Variants in VTI1A observed in about 807,000 individuals in gnomAD.
VTI1A encodes the protein vesicle transport through interaction with t-SNAREs homolog 1A.
Under a neutral mutation model 34.9 loss-of-function variants are expected in VTI1A, and 22 were observed. The ratio of observed to expected loss-of-function variants is 0.63; its 90% CI spans 0.45 to 0.90. The LOEUF (loss-of-function observed/expected upper bound fraction) is 0.90, where lower values mean the gene tolerates loss of function less well. Ranked by LOEUF, VTI1A falls within the 40% of genes least tolerant of loss-of-function variation. The pLI is 0.00. For synonymous variants in VTI1A, 87 were observed against 97.3 expected (o/e 0.89, Z 0.62); for missense variants, 268 against 275.6 (o/e 0.97, Z 0.20).
intron 7 of VTI1A, among the ~76,000 whole-genome samples, chr10:112,787,698 C>CTTTTTT (rs34862909): frequency 9.0e-4 from 93 of 103,276 alleles, no homozygotes; most frequent in Middle Eastern, 5.6e-3. Flanking sequence ...TTTTTCTTTT[C>CTTTTTT]TTTTTTTTTT....
rs751870581 is a variant in VTI1A at position 112,495,196 on chromosome 10, C to CTTT, written c.264+30561_264+30563dup. Among the ~76,000 whole-genome samples the CTTT allele has an allele frequency of 5.2e-3, 411 of 78,924 alleles. 4 individuals carry two copies. Among genetic ancestry groups the CTTT allele is most frequent in the African/African-American group, 0.018 (361 of 20,122 alleles). 51.8% of individuals were successfully genotyped at this position (78,924 alleles called of 152,430 possible). A position where few individuals can be genotyped will look rare whatever the true frequency, so the allele number is the denominator to read the frequency against. On this transcript the variant is annotated intron_variant, in intron 3 of 7. Coordinates refer to ENST00000393077, the MANE Select transcript of VTI1A (RefSeq NM_145206.4). ...TTGATGGGAAGAATTCAGTAATGGT[C>CTTT]TTTTTTTTTTTTTTTTTTTTTTTTA... is the stretch of plus-strand genomic sequence containing the variant.
rs67154330 is a variant in VTI1A at position 112,811,712 on chromosome 10, A to AAAAAAAAAAAAAAAGAT, written c.561-3578_561-3577insAAAAAAAAAAAAAAGAT. On this transcript the variant is annotated intron_variant, in intron 7 of 7. Transcript: ENST00000393077. ...AAAAAAAAAAAAAAAAAAAAAAAAA[A>AAAAAAAAAAAAAAAGAT]GAGTGCAGTCCATGCCTGGAAGTAG... Among the ~76,000 whole-genome samples, 53 of 84,046 alleles carry AAAAAAAAAAAAAAAGAT rather than the reference A, an allele frequency of 6.3e-4. 18 individuals carry two copies. Among genetic ancestry groups the AAAAAAAAAAAAAAAGAT allele is most frequent in the African/African-American group, 1.6e-3 (33 of 21,078 alleles). 55.1% of individuals were successfully genotyped at this position (84,046 alleles called of 152,430 possible).
At position 112,598,455 on chromosome 10, in the gene VTI1A, C is replaced by T. The variant is rs116009927; in HGVS notation, c.427+60125C>T. Among the ~76,000 whole-genome samples the T allele has an allele frequency of 4.9e-3, 740 of 152,266 alleles. 8 individuals carry two copies. Among genetic ancestry groups the T allele is most frequent in the African/African-American group, 0.017 (697 of 41,544 alleles). On this transcript the variant is annotated intron_variant, in intron 5 of 7. Transcript: ENST00000393077. ...TTTGTGATGTGCATTTAGAACACTACGTAAAAATAAACTGCATTGTGTTAT... is the reference window on the plus strand; with the variant it reads ...TTTGTGATGTGCATTTAGAACACTATGTAAAAATAAACTGCATTGTGTTAT...
rs1851224148 is a variant in VTI1A at position 112,548,567 on chromosome 10, A to G, written c.427+10237A>G. 7.7e-6 allele frequency: 6 copies of G among 781,160 alleles called. No individual in the cohort carries two copies. In the South Asian group the frequency reaches 9.0e-5, roughly 12 times the overall value. 48.4% of individuals were successfully genotyped at this position (781,160 alleles called of 1,614,324 possible). A position where few individuals can be genotyped will look rare whatever the true frequency, so the allele number is the denominator to read the frequency against. On this transcript the variant is annotated intron_variant, in intron 5 of 7. Coordinates refer to ENST00000393077, the MANE Select transcript of VTI1A (RefSeq NM_145206.4). ...CAAACAGTTCTGAGACCATTCTTCCACCACTGATTAAGACCAGGGTGGCAG... is the reference window on the plus strand; with the variant it reads ...CAAACAGTTCTGAGACCATTCTTCCGCCACTGATTAAGACCAGGGTGGCAG...
intron 7 of VTI1A, among the ~76,000 whole-genome samples, chr10:112,715,606 C>T (rs953561062): frequency 6.6e-6 from 1 of 152,130 alleles, no homozygotes; most frequent in African/African-American, 2.4e-5. Flanking sequence ...CTTTATCTCA[C>T]GCTTTTCATC....
chr10:112,620,562 G>A (rs112655411), intron 5 of VTI1A, among the ~76,000 whole-genome samples: 7 of 152,072 alleles, frequency 4.6e-5, no homozygotes, highest in Admixed American at 1.3e-4. Context: ...AGGCCGAGGC[G>A]GGTGGATGAC....
chr10:112,596,918 C>G (rs1163181357), intron 5 of VTI1A, among the ~76,000 whole-genome samples: 1 of 151,970 alleles, frequency 6.6e-6, no homozygotes, highest in Non-Finnish European at 1.5e-5. Context: ...TTCTTCTGTT[C>G]TTGAAGTATT....
intron 1 of VTI1A, among the ~76,000 whole-genome samples, chr10:112,459,672 T>C (rs897815032): frequency 1.3e-5 from 2 of 152,184 alleles, no homozygotes; most frequent in Admixed American, 6.5e-5. Flanking sequence ...TCAATACATC[T>C]GGTTTGCACA....
At chr10:112,517,049 C>T (rs1849807094) in intron 3 of VTI1A, among the ~76,000 whole-genome samples, 1 of 152,010 alleles carries the variant, frequency 6.6e-6, no homozygotes, top group Non-Finnish European at 1.5e-5. Context: ...TGAGATCACT[C>T]AGATGAGTGA....
intron 7 of VTI1A, among the ~76,000 whole-genome samples, chr10:112,741,328 G>A (rs533606661): frequency 1.3e-5 from 2 of 152,210 alleles, no homozygotes; most frequent in Admixed American, 6.5e-5. Flanking sequence ...GGTGGCACGC[G>A]CCTGTAATCC....
At chr10:112,698,167 T>C (rs1177516140) in intron 7 of VTI1A, among the ~76,000 whole-genome samples, 2 of 152,188 alleles carry the variant, frequency 1.3e-5, no homozygotes, top group East Asian at 3.8e-4. Flanking sequence ...GGAATCCCTG[T>C]TCTTAGTGCA....
At chr10:112,578,562 A>G (rs1456478303) in intron 5 of VTI1A, among the ~76,000 whole-genome samples, 1 of 152,244 alleles carries the variant, frequency 6.6e-6, no homozygotes, top group Non-Finnish European at 1.5e-5. Context: ...ATGTAGACAT[A>G]AATCATTCTT....
At chr10:112,737,550 A>G in intron 7 of VTI1A, 1 of 1,050,464 alleles carries the variant, frequency 9.5e-7, no homozygotes, top group Admixed American at 5.5e-5. Context: ...GTGAGCAAGG[A>G]GCCTGCATTC....
chr10:112,708,858 T>C (rs1374795793), intron 7 of VTI1A, among the ~76,000 whole-genome samples: 1 of 152,242 alleles, frequency 6.6e-6, no homozygotes, highest in Non-Finnish European at 1.5e-5. Context: ...TTCTTGACAG[T>C]AAATAGTCTC....
chr10:112,840,617 G>A, the VTI1A span, among the ~76,000 whole-genome samples: 13 of 152,282 alleles, frequency 8.5e-5, no homozygotes, highest in African/African-American at 2.9e-4. Flanking sequence ...GAGACCCCCT[G>A]GGCAGCTGCC....
At chr10:112,765,945 T>C (rs999681032) in intron 7 of VTI1A, among the ~76,000 whole-genome samples, 7 of 151,932 alleles carry the variant, frequency 4.6e-5, no homozygotes, top group African/African-American at 1.7e-4. Flanking sequence ...CCAAGGCAGG[T>C]TGATGAAAAA....
chr10:112,737,457 T>C, intron 7 of VTI1A: 12 of 1,044,172 alleles, frequency 1.1e-5, no homozygotes, highest in South Asian at 4.6e-5. Context: ...AACAAAATAA[T>C]AAGGCTGAAT....
intron 5 of VTI1A, among the ~76,000 whole-genome samples, chr10:112,636,067 G>A (rs889111935): frequency 6.6e-6 from 1 of 152,198 alleles, no homozygotes; most frequent in South Asian, 2.1e-4. Context: ...AATAATTATG[G>A]GTTGAGATGA....
intron 7 of VTI1A, among the ~76,000 whole-genome samples, chr10:112,795,548 C>T (rs1233016539): frequency 6.6e-6 from 1 of 151,562 alleles, no homozygotes; most frequent in Non-Finnish European, 1.5e-5. Context: ...AATTCTTCTG[C>T]CTCAGCTTCC....
Sources: allele counts gnomAD v4.1 joint callset (sites outside exome capture counted in the v4.1 genomes callset), GRCh38; gene constraint gnomAD v4.1.1; transcripts MANE v1.5; gene names NCBI Gene and HGNC (gene_info 2026-07-23, HGNC 2026-07-21).